Variants in RAD51C observed in about 807,000 individuals in gnomAD.
RAD51C encodes RAD51 paralog C.
RAD51C carries 42 observed loss-of-function variants against 45.0 expected under a neutral mutation model. The ratio of observed to expected loss-of-function variants is 0.93; its 90% CI spans 0.73 to 1.21. The LOEUF is 1.21. RAD51C is among the 50% of genes most tolerant of loss of function. RAD51C has a pLI of 0.00. For synonymous variants in RAD51C, 172 were observed against 159.8 expected (o/e 1.08, Z -0.58); for missense variants, 474 against 452.2 (o/e 1.05, Z -0.44).
At chr17:58,708,828 A>C (rs2048458361) in intron 4 of RAD51C, among the ~76,000 whole-genome samples, 1 of 151,906 alleles carries the variant, frequency 6.6e-6, no homozygotes, top group Non-Finnish European at 1.5e-5. Flanking sequence ...TCGGCCTCCC[A>C]AAGTGCTGGG....
intron 4 of RAD51C, 80 bp downstream of exon 4, chr17:58,703,409 G>A (rs1285748455): frequency 4.1e-6 from 6 of 1,468,446 alleles, no homozygotes; most frequent in Non-Finnish European, 5.6e-6. Context: ...AACCAGTACA[G>A]TAGCATAAAA....
intron 3 of RAD51C, among the ~76,000 whole-genome samples, chr17:58,698,279 T>C (rs1379367676): frequency 6.7e-6 from 1 of 149,980 alleles, no homozygotes. Context: ...GCCTCCTGGG[T>C]TCATGCCATT....
intron 6 of RAD51C, among the ~76,000 whole-genome samples, chr17:58,722,511 G>T (rs1180442136): frequency 6.6e-6 from 1 of 152,146 alleles, no homozygotes; most frequent in Non-Finnish European, 1.5e-5. Flanking sequence ...CTGCCCTGTT[G>T]TGTAGTGCAG....
intron 6 of RAD51C, 118 bp downstream of exon 6, chr17:58,720,930 G>T: frequency 1.2e-6 from 1 of 844,290 alleles, no homozygotes. Context: ...CTTGTTCACT[G>T]GTTAATCTTA....
intron 7 of RAD51C, among the ~76,000 whole-genome samples, chr17:58,730,968 A>T (rs1211683075): frequency 6.6e-6 from 1 of 151,990 alleles, no homozygotes; most frequent in Non-Finnish European, 1.5e-5. Context: ...CCTGACAATC[A>T]CCATTCTACC....
chr17:58,695,923 C>T (rs893743290), intron 2 of RAD51C, among the ~76,000 whole-genome samples: 1 of 151,204 alleles, frequency 6.6e-6, no homozygotes, highest in African/African-American at 2.4e-5. Flanking sequence ...AAAAATTAGC[C>T]AGGCATGGTG....
chr17:58,725,498 A>G (rs553580643), intron 7 of RAD51C, among the ~76,000 whole-genome samples: 5 of 152,182 alleles, frequency 3.3e-5, no homozygotes, highest in Non-Finnish European at 7.3e-5. Flanking sequence ...TACTAATAAA[A>G]TGCATTTAAG....
In RAD51C at chr17:58,695,006, G is replaced by GAT. The variant is rs1598455598; in HGVS notation, c.224_225dup (p.Ala76MetfsTer26). On this transcript the variant is annotated frameshift_variant, in exon 2 of 9. Coordinates refer to ENST00000337432, the MANE Select transcript of RAD51C (RefSeq NM_058216.3). LOFTEE classifies it high-confidence loss of function. Reference sequence around the variant, plus strand: ...AGAGAATGTCTCACAAATAAACCAAGATATGCTGGTACATCTGAGTCACAC... The same window carrying GAT: ...AGAGAATGTCTCACAAATAAACCAAGATATATGCTGGTACATCTGAGTCACAC... 1 of 1,614,038 alleles carries GAT rather than the reference G, an allele frequency of 6.2e-7. No homozygotes were observed. The highest frequency in any genetic ancestry group is 8.5e-7 in the Non-Finnish European group (1 of 1,179,990).
rs1567785734 is a variant in RAD51C at position 58,694,952 on chromosome 17, A to G, written c.167A>G (p.Glu56Gly). The G allele has an allele frequency of 3.7e-6, 6 of 1,613,800 alleles. No homozygotes were observed. Among genetic ancestry groups the G allele is most frequent in the Non-Finnish European group, 5.1e-6 (6 of 1,179,698 alleles). Residue 56 changes from glutamate to glycine, a missense_variant, in exon 2 of 9, where the codon GAA becomes GGA. By Grantham distance (98) the Glu-to-Gly change is moderately conservative. Coordinates refer to ENST00000337432, the MANE Select transcript of RAD51C (RefSeq NM_058216.3). ...TCAGAAGTTGGGATATCTAAAGCAG[A>G]AGCCTTAGAAACTCTGCAAATTATC... ...LSKEVGISKA[E>G]ALETLQIIRR...
At chr17:58,710,077 C>A (rs2048505457) in intron 5 of RAD51C, 87 bp downstream of exon 5, 1 of 1,439,498 alleles carries the variant, frequency 6.9e-7, no homozygotes, top group Non-Finnish European at 9.7e-7. Flanking sequence ...ATAGCGTTTG[C>A]CTGACAAATA....
intron 3 of RAD51C, among the ~76,000 whole-genome samples, chr17:58,697,438 A>G (rs1341145687): frequency 6.7e-6 from 1 of 148,822 alleles, no homozygotes; most frequent in African/African-American, 2.5e-5. Context: ...AAGGAGGCTG[A>G]GGCAGGAGAA....
chr17:58,692,578 CACG>C, upstream of RAD51C: 1 of 1,594,226 alleles, frequency 6.3e-7, no homozygotes. Context: ...CGTCTGACGT[CACG>C]CCGCACGCCC....
At chr17:58,713,274 A>G (rs980028932) in intron 5 of RAD51C, among the ~76,000 whole-genome samples, 6 of 152,260 alleles carry the variant, frequency 3.9e-5, no homozygotes, top group Admixed American at 6.5e-5. Flanking sequence ...TCTGCTTTAC[A>G]CTAACAGCTG....
At chr17:58,696,123 C>T (rs2047996327) in intron 2 of RAD51C, among the ~76,000 whole-genome samples, 1 of 150,724 alleles carries the variant, frequency 6.6e-6, no homozygotes, top group African/African-American at 2.4e-5. Flanking sequence ...TTTTGAGAGG[C>T]CTGGAAATGA....
chr17:58,723,508 G>A (rs1188550361), intron 6 of RAD51C, among the ~76,000 whole-genome samples: 1 of 151,510 alleles, frequency 6.6e-6, no homozygotes, highest in African/African-American at 2.4e-5. Flanking sequence ...TTGTCACCTA[G>A]CTTTTATAGA....
intron 4 of RAD51C, 114 bp from the exon 5 acceptor site, chr17:58,709,745 G>A (rs2048489000): frequency 2.9e-6 from 3 of 1,034,478 alleles, no homozygotes; most frequent in Non-Finnish European, 4.3e-6. Flanking sequence ...AAATAAGACA[G>A]AAGAATATAG....
chr17:58,715,451 TCTC>T (rs2048700619), intron 5 of RAD51C, among the ~76,000 whole-genome samples: 1 of 106,328 alleles, frequency 9.4e-6, no homozygotes, highest in Non-Finnish European at 1.9e-5. Flanking sequence ...CGAAACTCTG[TCTC>T]AAAAAAAAAA....
rs2143726041 is a variant in RAD51C at position 58,695,144 on chromosome 17, C to G, written c.359C>G (p.Thr120Arg). ...ILGGGVPLMK[T>R]TEICGAPGVG... is the part of the protein sequence containing the mutation. ...GGGGGTGGAGTGCCCTTAATGAAAA[C>G]AACAGAAATTTGTGGTGCACCAGGT... The change falls in exon 2 of 9, where the codon ACA becomes AGA. Residue 120 changes from threonine (T) to arginine (R), a missense_variant. By Grantham distance (71) the Thr-to-Arg change is moderately conservative. Transcript: ENST00000337432. 1.2e-6 allele frequency: 2 copies of G among 1,613,700 alleles called. No homozygotes were observed.
chr17:58,730,164 CTTTTTTTTTT>C (rs35483724), intron 7 of RAD51C, among the ~76,000 whole-genome samples: 1 of 121,912 alleles, frequency 8.2e-6, no homozygotes, highest in Non-Finnish European at 1.7e-5. Context: ...CACAGCTGTT[CTTTTTTTTTT>C]TTTTTTTTGA....
Sources: allele counts gnomAD v4.1 joint callset (sites outside exome capture counted in the v4.1 genomes callset), GRCh38; gene constraint gnomAD v4.1.1; transcripts MANE v1.5; gene names NCBI Gene and HGNC (gene_info 2026-07-23, HGNC 2026-07-21).